Variants in INPP5A observed in about 807,000 individuals in gnomAD.
The protein encoded by INPP5A is inositol polyphosphate-5-phosphatase A.
INPP5A carries 14 observed loss-of-function variants against 65.2 expected under a neutral mutation model. The ratio of observed to expected loss-of-function variants is 0.21; its 90% CI spans 0.14 to 0.34. The LOEUF is 0.34. Ranked by LOEUF, INPP5A falls within the 10% of genes least tolerant of loss-of-function variation. The probability of loss-of-function intolerance (pLI) is 1.00; values close to 1 mark genes in which losing one functional copy is unlikely to be tolerated. For synonymous variants in INPP5A, 207 were observed against 208.3 expected (o/e 0.99, Z 0.05); for missense variants, 431 against 545.6 (o/e 0.79, Z 2.09).
chr10:132,621,185 G>C (rs1277682244), intron 2 of INPP5A, among the ~76,000 whole-genome samples: 1 of 152,188 alleles, frequency 6.6e-6, no homozygotes, highest in Non-Finnish European at 1.5e-5. Flanking sequence ...CTGTGATAGA[G>C]GAAGTGCTTA....
At chr10:132,769,835 G>A (rs1334378109) in intron 12 of INPP5A, among the ~76,000 whole-genome samples, 6 of 137,242 alleles carry the variant, frequency 4.4e-5, no homozygotes, top group Non-Finnish European at 7.7e-5. Context: ...TGTGGCTCCC[G>A]GTACAGCCCA....
At chr10:132,754,957 G>A (rs1013893489) in intron 11 of INPP5A, among the ~76,000 whole-genome samples, 2 of 152,232 alleles carry the variant, frequency 1.3e-5, no homozygotes, top group Non-Finnish European at 2.9e-5. Context: ...GAATGGGCAA[G>A]TGTGTGTATA....
intron 1 of INPP5A, among the ~76,000 whole-genome samples, chr10:132,558,235 G>T (rs781009508): frequency 1.3e-5 from 2 of 152,162 alleles, no homozygotes; most frequent in Admixed American, 6.5e-5. Flanking sequence ...CAAGGGCCAC[G>T]CAGAGCCGCG....
intron 1 of INPP5A, among the ~76,000 whole-genome samples, chr10:132,541,000 T>A (rs2070899514): frequency 6.8e-6 from 1 of 146,386 alleles, no homozygotes; most frequent in Admixed American, 7.0e-5. Flanking sequence ...CCCCCTCTTG[T>A]TTTTGTTTTA....
rs1021533234 is a variant in INPP5A, at chr10:132,564,194, C to T, written c.75+26023C>T. 3.3e-5 allele frequency among the ~76,000 whole-genome samples: 5 copies of T among 152,022 alleles called. No individual in the cohort carries two copies. In the South Asian group the frequency reaches 6.2e-4, roughly 19 times the overall value. The stretch of plus-strand genomic sequence containing the variant: ...CTTGTTTGGGGAAATGTGGCGTGCG[C>T]GTTGTGGGTATGGCCACCGCCATCA... On this transcript the variant is annotated intron_variant, in intron 1 of 15. Transcript: ENST00000368594.
chr10:132,697,709 C>G lies in INPP5A; in HGVS notation c.371-107C>G, dbSNP rs1845367685. 1 of 775,910 alleles carries G rather than the reference C, an allele frequency of 1.3e-6. No homozygotes were observed. The highest frequency in any genetic ancestry group is 2.2e-6 in the Non-Finnish European group (1 of 454,812). 48.1% of individuals were successfully genotyped at this position (775,910 alleles called of 1,614,324 possible). ...ATCAGGGCCTCCTCTCGGGGGGCCT[C>G]TCTGGCTCCCATCGGGCTGAAGTCG... is the stretch of plus-strand genomic sequence containing the variant. On this transcript the variant is annotated intron_variant, in intron 5 of 15. Coordinates refer to ENST00000368594, the MANE Select transcript of INPP5A (RefSeq NM_005539.5). This position sits in a 1 kb window ranked among gnomAD's most constrained non-coding sequence, Gnocchi z 5.6.
At chr10:132,681,280 C>T (rs931060772) in intron 4 of INPP5A, among the ~76,000 whole-genome samples, 1 of 152,188 alleles carries the variant, frequency 6.6e-6, no homozygotes, top group African/African-American at 2.4e-5. Context: ...GCAGTGGCAA[C>T]CCACTCGGGT....
In INPP5A at chr10:132,777,826, G is replaced by A. The variant is rs201947077; in HGVS notation, c.1089+44G>A. ...AGCCCTGGGCACAGAGGGATGTGGAGCGCTGGGTCTGGTCTGGCCCAGCCC... is the reference window on the plus strand; with the variant it reads ...AGCCCTGGGCACAGAGGGATGTGGAACGCTGGGTCTGGTCTGGCCCAGCCC... On this transcript the variant is annotated intron_variant, in intron 13 of 15. Coordinates refer to ENST00000368594, the MANE Select transcript of INPP5A (RefSeq NM_005539.5). 6.4e-5 allele frequency: 102 copies of A among 1,599,350 alleles called. No homozygotes were observed. In the East Asian group the frequency reaches 1.4e-3, roughly 22 times the overall value.
intron 2 of INPP5A, among the ~76,000 whole-genome samples, chr10:132,631,946 C>T (rs370934205): frequency 7.5e-5 from 11 of 147,648 alleles, no homozygotes; most frequent in African/African-American, 1.5e-4. Context: ...GTGACTTCCC[C>T]GATAGTTCCA....
At chr10:132,718,254 T>G (rs912676334) in intron 8 of INPP5A, among the ~76,000 whole-genome samples, 2 of 143,018 alleles carry the variant, frequency 1.4e-5, no homozygotes, top group African/African-American at 5.3e-5. Context: ...ACGGCTGTCT[T>G]GCGGGTTCTG....
intron 1 of INPP5A, among the ~76,000 whole-genome samples, chr10:132,602,862 G>A (rs1025276168): frequency 2.0e-5 from 3 of 152,272 alleles, no homozygotes; most frequent in African/African-American, 7.2e-5. Flanking sequence ...CTACAGGCAC[G>A]TTCTCTCTCA....
intron 1 of INPP5A, among the ~76,000 whole-genome samples, chr10:132,573,359 G>A (rs2071374064): frequency 7.6e-6 from 1 of 132,284 alleles, no homozygotes; most frequent in African/African-American, 3.0e-5. Context: ...TGTTGATGTT[G>A]AGGTGTGTGT....
intron 11 of INPP5A, among the ~76,000 whole-genome samples, chr10:132,758,038 C>T: frequency 7.1e-6 from 1 of 141,766 alleles, no homozygotes; most frequent in Non-Finnish European, 1.5e-5. Flanking sequence ...GGTGTGGGTC[C>T]CTGGCTGACC....
At chr10:132,667,899 C>T (rs1466194181) in intron 4 of INPP5A, among the ~76,000 whole-genome samples, 1 of 152,158 alleles carries the variant, frequency 6.6e-6, no homozygotes, top group Non-Finnish European at 1.5e-5. Flanking sequence ...GAGGCATTTG[C>T]AGGTTATTCA....
chr10:132,630,121 A>G (rs1285115040), intron 2 of INPP5A, among the ~76,000 whole-genome samples: 2 of 152,010 alleles, frequency 1.3e-5, no homozygotes, highest in East Asian at 1.9e-4. Context: ...TGAGGGGATG[A>G]TGTCCTCCAG....
chr10:132,554,844 G>A (rs537880450), intron 1 of INPP5A, among the ~76,000 whole-genome samples: 19 of 150,380 alleles, frequency 1.3e-4, no homozygotes, highest in African/African-American at 4.7e-4. Context: ...GATCGGTGTG[G>A]GTGGTGTGAT....
intron 4 of INPP5A, among the ~76,000 whole-genome samples, chr10:132,686,661 G>C (rs1203610884): frequency 6.6e-6 from 1 of 152,196 alleles, no homozygotes; most frequent in East Asian, 1.9e-4. Context: ...CCCTGCACTG[G>C]CAATTTATTT....
chr10:132,770,852 G>A (rs995844088), intron 12 of INPP5A, among the ~76,000 whole-genome samples: 19 of 152,270 alleles, frequency 1.2e-4, no homozygotes, highest in East Asian at 3.9e-4. Context: ...GACGCGGCAC[G>A]TCTGGCACCC....
Position 132,707,079 on chromosome 10 carries a change from G to A in INPP5A, c.475-1234G>A, listed in dbSNP as rs746556860. 6.6e-6 allele frequency among the ~76,000 whole-genome samples: 1 copy of A among 152,250 alleles called. No homozygotes were observed. Among genetic ancestry groups the A allele is most frequent in the Non-Finnish European group, 1.5e-5 (1 of 68,038 alleles). On this transcript the variant is annotated intron_variant, in intron 6 of 15. Transcript: ENST00000368594. The surrounding 1 kb of genome is among the most constrained non-coding windows in gnomAD (Gnocchi z 5.5). Reference sequence around the variant, plus strand: ...GCGCTCTCCGTGTTAGATAGAGGGAGCACGCCACGCTGGACCCTTTCTTCA... The same window carrying A: ...GCGCTCTCCGTGTTAGATAGAGGGAACACGCCACGCTGGACCCTTTCTTCA...
Sources: gnomAD v4.1 joint callset for allele counts (sites outside exome capture counted in the v4.1 genomes callset) on GRCh38, gnomAD v4.1.1 for gene constraint, Gnocchi (gnomAD v3.1) non-coding constraint, MANE v1.5 for transcripts, NCBI Gene and HGNC (gene_info 2026-07-23, HGNC 2026-07-21) for gene names.